HIPK3: variants seen among roughly 807,000 people sequenced by gnomAD.
HIPK3 encodes homeodomain-interacting protein kinase 3.
A neutral mutation model predicts 124.2 loss-of-function variants in HIPK3; 47 were observed. That is an observed-to-expected ratio of 0.38 (90% CI 0.30 to 0.48). HIPK3 has a LOEUF of 0.48. Among genes scored for constraint, HIPK3 ranks in the 20% least tolerant of loss-of-function variants. The probability of loss-of-function intolerance (pLI) is 0.98; values close to 1 mark genes in which losing one functional copy is unlikely to be tolerated. For synonymous variants in HIPK3, 482 were observed against 515.2 expected, an observed-to-expected ratio of 0.94 and a Z score of 0.87; for missense variants, 1,286 against 1,454.3, an observed-to-expected ratio of 0.88 and a Z score of 1.88.
chr11:33,290,322 A>AT (rs796244510), intron 2 of HIPK3, among the ~76,000 whole-genome samples: 7 of 151,512 alleles, frequency 4.6e-5, no homozygotes, highest in African/African-American at 1.2e-4. Flanking sequence ...TCCGCAAAAG[A>AT]TTTTTTTTTC....
chr11:33,328,893 G>C (rs1852889170), intron 3 of HIPK3, among the ~76,000 whole-genome samples: 1 of 152,156 alleles, frequency 6.6e-6, no homozygotes, highest in Non-Finnish European at 1.5e-5. Context: ...CATATAAAAG[G>C]TTGGATTGTG....
intron 1 of HIPK3, among the ~76,000 whole-genome samples, chr11:33,267,738 C>T (rs191736330): frequency 2.6e-5 from 4 of 151,844 alleles, no homozygotes; most frequent in Admixed American, 1.3e-4. Context: ...CCTCGTGATC[C>T]GCCCGCCTCG....
In HIPK3 at chr11:33,341,070, A is replaced by G. The variant is rs759201386; in HGVS notation, c.1716A>G (p.Ser572=). The change falls in exon 7 of 17, where the codon TCA becomes TCG. Residue 572 remains serine (S), a synonymous_variant. Transcript: ENST00000303296. ...CTTCACTTTTAAGACCAGTTGCTTC[A>G]AGCAGTACTGCTACACTGACTGCAA... The part of the protein sequence containing the change: ...NKTSLLRPVA[S]SSTATLTANF... 6.2e-7 allele frequency: 1 copy of G among 1,612,414 alleles called. No homozygotes were observed. The highest frequency in any genetic ancestry group is 8.5e-7 in the Non-Finnish European group (1 of 1,179,036).
At chr11:33,292,462 C>T (rs1055046597) in intron 2 of HIPK3, among the ~76,000 whole-genome samples, 14 of 152,112 alleles carry the variant, frequency 9.2e-5, no homozygotes, top group East Asian at 5.8e-4. Flanking sequence ...AGGAGGGCTC[C>T]GAGCCTGATC....
At chr11:33,307,953 TTATGA>T (rs911467327) in intron 2 of HIPK3, among the ~76,000 whole-genome samples, 1 of 152,186 alleles carries the variant, frequency 6.6e-6, no homozygotes, top group Admixed American at 6.5e-5. Flanking sequence ...AAGATTTCCC[TTATGA>T]TTATGATTGC....
intron 2 of HIPK3, among the ~76,000 whole-genome samples, chr11:33,307,615 C>T (rs1006895227): frequency 6.6e-6 from 1 of 150,736 alleles, no homozygotes; most frequent in Non-Finnish European, 1.5e-5. Context: ...ACCGTGTTAG[C>T]CAGGATGGTC....
intron 1 of HIPK3, among the ~76,000 whole-genome samples, chr11:33,273,889 C>CT (rs1851204594): frequency 6.6e-6 from 1 of 152,162 alleles, no homozygotes; most frequent in African/African-American, 2.4e-5. Context: ...GCTCTTACAA[C>CT]TGAAAAACTG....
At chr11:33,305,288 C>G (rs975127496) in intron 2 of HIPK3, among the ~76,000 whole-genome samples, 1 of 152,206 alleles carries the variant, frequency 6.6e-6, no homozygotes, top group Admixed American at 6.5e-5. Context: ...AGGCTTGACC[C>G]ACCATGCCTG....
intron 1 of HIPK3, among the ~76,000 whole-genome samples, chr11:33,276,124 A>G (rs1433965165): frequency 6.6e-6 from 1 of 152,264 alleles, no homozygotes; most frequent in African/African-American, 2.4e-5. Context: ...GATTATTCAA[A>G]TGTTAACATT....
rs553951690 is a variant in HIPK3 at position 33,353,809 on chromosome 11, A to AAGTCC, written c.*245_*249dup. The AAGTCC allele has an allele frequency of 4.9e-4, 220 of 450,974 alleles. No homozygotes were observed. The highest frequency in any genetic ancestry group is 1.5e-3 in the Admixed American group (42 of 27,130). The allele number at this position is 450,974 out of a possible 1,614,324, so 27.9% of individuals were successfully genotyped here. The stretch of plus-strand genomic sequence containing the variant: ...CTAGACAGGTGACTTATGGGAGCAG[A>AAGTCC]AGTCCAGTTTTGCTCCTGCTATTTT... On this transcript the variant is annotated 3_prime_UTR_variant, in exon 17 of 17. Transcript: ENST00000303296.
intron 2 of HIPK3, among the ~76,000 whole-genome samples, chr11:33,314,774 A>G (rs1342007225): frequency 6.6e-6 from 1 of 152,244 alleles, no homozygotes; most frequent in African/African-American, 2.4e-5. Flanking sequence ...TTGCAGTTAA[A>G]TAATTTTTGT....
chr11:33,295,409 C>T (rs948734807), intron 2 of HIPK3, among the ~76,000 whole-genome samples: 4 of 151,934 alleles, frequency 2.6e-5, no homozygotes, highest in African/African-American at 9.7e-5. Flanking sequence ...CCCTTTTCTT[C>T]TGCCTCTGTG....
At chr11:33,262,557 G>T (rs1241161404) in intron 1 of HIPK3, among the ~76,000 whole-genome samples, 1 of 152,148 alleles carries the variant, frequency 6.6e-6, no homozygotes, top group Non-Finnish European at 1.5e-5. Flanking sequence ...GATGAATATT[G>T]TCAATATGTA....
rs11429812 is a variant in HIPK3 at position 33,354,700 on chromosome 11, G to GT, written c.*1146dup. ...ATTTTTGATTTATGCATGTGAGAGG[G>GT]TTTTTTTTTTTTTTAAGTATTTTTA... On this transcript the variant is annotated 3_prime_UTR_variant, in exon 17 of 17. Coordinates refer to ENST00000303296, the MANE Select transcript of HIPK3 (RefSeq NM_005734.5). 0.61 allele frequency: 86,668 copies of GT among 143,204 alleles called. 28,216 individuals carry two copies. Among genetic ancestry groups the GT allele is most frequent in the Non-Finnish European group, 0.73 (47,969 of 65,728 alleles). 8.9% of individuals were successfully genotyped at this position (143,204 alleles called of 1,614,324 possible). A position where few individuals can be genotyped will look rare whatever the true frequency, so the allele number is the denominator to read the frequency against.
intron 2 of HIPK3, among the ~76,000 whole-genome samples, chr11:33,302,569 C>T (rs1389114238): frequency 6.6e-6 from 1 of 152,098 alleles, no homozygotes; most frequent in African/African-American, 2.4e-5. Flanking sequence ...CTCCTGACCT[C>T]AAGTGGTCCA....
At chr11:33,311,122 A>G (rs1284513130) in intron 2 of HIPK3, among the ~76,000 whole-genome samples, 2 of 152,072 alleles carry the variant, frequency 1.3e-5, no homozygotes, top group Admixed American at 1.3e-4. Flanking sequence ...TTACTCTGGG[A>G]TTTTATTCTC....
chr11:33,318,325 C>A (rs946539427), intron 2 of HIPK3, among the ~76,000 whole-genome samples: 2 of 151,892 alleles, frequency 1.3e-5, no homozygotes, highest in Non-Finnish European at 2.9e-5. Flanking sequence ...TGTTGGCCAC[C>A]CAAAGTGCTG....
intron 2 of HIPK3, among the ~76,000 whole-genome samples, chr11:33,306,250 TTCTAA>T (rs995304180): frequency 3.3e-5 from 5 of 152,208 alleles, no homozygotes; most frequent in Admixed American, 2.6e-4. Flanking sequence ...AAAATTATAC[TTCTAA>T]TCTAAGGAAA....
At chr11:33,274,052 C>T (rs1590345754) in intron 1 of HIPK3, among the ~76,000 whole-genome samples, 2 of 152,106 alleles carry the variant, frequency 1.3e-5, no homozygotes, top group East Asian at 1.9e-4. Flanking sequence ...TAAGGTAAAC[C>T]ATACTTTTGA....
Sources: gnomAD v4.1 joint callset for allele counts (sites outside exome capture counted in the v4.1 genomes callset) on GRCh38, gnomAD v4.1.1 for gene constraint, MANE v1.5 for transcripts, NCBI Gene and HGNC (gene_info 2026-07-23, HGNC 2026-07-21) for gene names.